The following THSD7B variants were observed in gnomAD, a reference collection of about 807,000 sequenced individuals.
THSD7B encodes the protein thrombospondin type-1 domain-containing protein 7B.
In THSD7B, 138 loss-of-function variants were observed where a neutral mutation model predicts 213.6. The ratio of observed to expected loss-of-function variants is 0.65; its 90% confidence interval spans 0.56 to 0.74. The LOEUF is 0.74. Ranked by LOEUF, THSD7B falls within the 30% of genes least tolerant of loss-of-function variation. The pLI is 0.00. For synonymous variants in THSD7B, 742 were observed against 687.0 expected, an observed-to-expected ratio of 1.08 and a Z score of -1.25; for missense variants, 1,931 against 1,991.5, an observed-to-expected ratio of 0.97 and a Z score of 0.58.
At chr2:137,108,647 C>G (rs1161289522) in intron 4 of THSD7B, among the ~76,000 whole-genome samples, 2 of 151,946 alleles carry the variant, frequency 1.3e-5, no homozygotes, top group East Asian at 3.9e-4. Context: ...CAGGAGGGTC[C>G]TTTCTTTGAT....
intron 1 of THSD7B, among the ~76,000 whole-genome samples, chr2:136,877,413 A>T (rs1055416361): frequency 6.6e-6 from 1 of 152,154 alleles, no homozygotes; most frequent in Non-Finnish European, 1.5e-5. Flanking sequence ...AGTTTCATGA[A>T]ATCATCTAAC....
At chr2:137,499,732 G>A (rs2105134005) in intron 15 of THSD7B, among the ~76,000 whole-genome samples, 1 of 152,262 alleles carries the variant, frequency 6.6e-6, no homozygotes, top group Admixed American at 6.5e-5. Context: ...ATCAACAATG[G>A]GGAACATGAG....
At chr2:137,366,200 T>C (rs1202061867) in intron 12 of THSD7B, among the ~76,000 whole-genome samples, 1 of 151,908 alleles carries the variant, frequency 6.6e-6, no homozygotes, top group Non-Finnish European at 1.5e-5. Context: ...ATGAGAATAC[T>C]TGGACACAGG....
At chr2:137,563,481 T>C in intron 16 of THSD7B, 127 bp downstream of exon 16, 6 of 1,251,832 alleles carry the variant, frequency 4.8e-6, no homozygotes, top group Middle Eastern at 2.0e-4. Context: ...TTTTTTCTCA[T>C]CTTTGAAATA....
chr2:137,041,430 G>A (rs1686879483), intron 2 of THSD7B, among the ~76,000 whole-genome samples: 1 of 151,556 alleles, frequency 6.6e-6, no homozygotes, highest in Admixed American at 6.6e-5. Context: ...AGAATCAATT[G>A]GCAACATACA....
intron 12 of THSD7B, among the ~76,000 whole-genome samples, chr2:137,285,684 A>T (rs775565192): frequency 2.0e-5 from 3 of 152,026 alleles, no homozygotes; most frequent in African/African-American, 7.2e-5. Flanking sequence ...GGTATTTAAA[A>T]ATGAAAATTC....
At chr2:137,263,874 A>C (rs776379431) in intron 10 of THSD7B, among the ~76,000 whole-genome samples, 8 of 152,158 alleles carry the variant, frequency 5.3e-5, no homozygotes, top group Non-Finnish European at 8.8e-5. Context: ...TAAGCACTTA[A>C]GCCTCCATTT....
chr2:137,411,830 A>T lies in THSD7B; in HGVS notation c.2917A>T (p.Lys973Ter). The T allele has an allele frequency of 6.2e-7, 1 of 1,614,040 alleles. No individual in the cohort carries two copies. The highest frequency in any genetic ancestry group is 8.5e-7 in the Non-Finnish European group (1 of 1,179,898). Residue 973 changes from lysine to a stop codon, truncating the protein, a stop_gained, in exon 14 of 28, where the codon AAA becomes TAA. Coordinates refer to ENST00000409968, the MANE Select transcript of THSD7B (RefSeq NM_001316349.2). LOFTEE classifies it high-confidence loss of function. The part of the protein sequence containing the change: ...LRFRAVACSD[K>*]NGRPVDPSFC... Reference sequence around the variant, plus strand: ...CTTTCGAGCAGTAGCCTGTTCTGATAAAAATGGAAGACCTGTTGACCCCTC... The same window carrying T: ...CTTTCGAGCAGTAGCCTGTTCTGATTAAAATGGAAGACCTGTTGACCCCTC...
intron 10 of THSD7B, among the ~76,000 whole-genome samples, chr2:137,265,264 A>T (rs942064576): frequency 6.6e-6 from 1 of 152,336 alleles, no homozygotes; most frequent in Admixed American, 6.5e-5. Flanking sequence ...CCACAATGAG[A>T]TACCATCTCA....
intron 20 of THSD7B, among the ~76,000 whole-genome samples, chr2:137,622,783 A>G (rs1435444544): frequency 1.3e-5 from 2 of 152,230 alleles, no homozygotes; most frequent in Non-Finnish European, 2.9e-5. Flanking sequence ...AAACAGGAAG[A>G]AGTTGAATCC....
At chr2:137,328,221 A>C (rs1309983016) in intron 12 of THSD7B, among the ~76,000 whole-genome samples, 1 of 152,198 alleles carries the variant, frequency 6.6e-6, no homozygotes, top group African/African-American at 2.4e-5. Flanking sequence ...ATTTTCATTA[A>C]ATTTGCTTAA....
intron 2 of THSD7B, among the ~76,000 whole-genome samples, chr2:136,969,020 G>A (rs510461): frequency 0.41 from 62,444 of 151,908 alleles, 15,237 homozygotes; most frequent in Non-Finnish European, 0.55. Flanking sequence ...TGAGATGTTT[G>A]TTCAGTGACC....
chr2:137,497,727 C>T (rs560457034), intron 15 of THSD7B, among the ~76,000 whole-genome samples: 1 of 152,082 alleles, frequency 6.6e-6, no homozygotes, highest in African/African-American at 2.4e-5. Context: ...TTAATTTCAA[C>T]TGGCAGACTG....
chr2:136,882,533 G>A (rs999762865), intron 2 of THSD7B, among the ~76,000 whole-genome samples: 1 of 152,042 alleles, frequency 6.6e-6, no homozygotes, highest in Non-Finnish European at 1.5e-5. Flanking sequence ...TTTTCATGTT[G>A]TTGTCAATTA....
chr2:137,025,500 T>C (rs547619545), intron 2 of THSD7B, among the ~76,000 whole-genome samples: 5 of 152,126 alleles, frequency 3.3e-5, no homozygotes, highest in African/African-American at 7.2e-5. Context: ...TGGTAACAAA[T>C]AGATCCCCAA....
chr2:136,964,383 C>T (rs1003879055), intron 2 of THSD7B, among the ~76,000 whole-genome samples: 1 of 152,016 alleles, frequency 6.6e-6, no homozygotes, highest in African/African-American at 2.4e-5. Context: ...CATGATTGCA[C>T]CACTGCACTC....
intron 2 of THSD7B, among the ~76,000 whole-genome samples, chr2:136,940,850 T>A (rs981360852): frequency 2.0e-5 from 3 of 149,424 alleles, no homozygotes; most frequent in Non-Finnish European, 3.0e-5. Flanking sequence ...AAAATTTTCT[T>A]CCATTCTTAG....
intron 14 of THSD7B, among the ~76,000 whole-genome samples, chr2:137,424,391 T>C (rs1686994166): frequency 6.6e-6 from 1 of 152,058 alleles, no homozygotes; most frequent in Non-Finnish European, 1.5e-5. Context: ...ATGATCCTTA[T>C]ACCAAAGCCA....
chr2:137,355,138 T>G (rs1266017830), intron 12 of THSD7B, among the ~76,000 whole-genome samples: 1 of 152,150 alleles, frequency 6.6e-6, no homozygotes. Context: ...TCTCAAATAT[T>G]TATGCTTTTT....
Sources: gnomAD v4.1 joint callset for allele counts (sites outside exome capture counted in the v4.1 genomes callset) on GRCh38, gnomAD v4.1.1 for gene constraint, MANE v1.5 for transcripts, NCBI Gene and HGNC (gene_info 2026-07-23, HGNC 2026-07-21) for gene names.